Variants in AQP7B observed in about 807,000 individuals in gnomAD.
AQP7B encodes putative aquaporin-7B.
the AQP7B span, chr2:94,603,346 T>C: frequency 6.3e-7 from 1 of 1,575,242 alleles, no homozygotes; most frequent in East Asian, 2.2e-5. Flanking sequence ...GGGGCTTAGT[T>C]GGGGGCAGGT....
chr2:94,597,708 G>A, the AQP7B span, among the ~76,000 whole-genome samples: 8 of 150,726 alleles, frequency 5.3e-5, no homozygotes, highest in Non-Finnish European at 1.2e-4. Flanking sequence ...GGGTTCAAGC[G>A]ATTCTTGCAT....
At chr2:94,597,793 C>T in the AQP7B span, among the ~76,000 whole-genome samples, 3 of 152,092 alleles carry the variant, frequency 2.0e-5, no homozygotes, top group East Asian at 5.8e-4. Flanking sequence ...TTAGGAAATA[C>T]AAGGTTTCAC....
At chr2:94,589,626 G>C in the AQP7B span, among the ~76,000 whole-genome samples, 1 of 152,110 alleles carries the variant, frequency 6.6e-6, no homozygotes, top group South Asian at 2.1e-4. Context: ...TTTGCCTGTT[G>C]TATACTTGGA....
the AQP7B span, among the ~76,000 whole-genome samples, chr2:94,600,581 G>GA: frequency 1.3e-5 from 2 of 151,934 alleles, no homozygotes; most frequent in Non-Finnish European, 1.5e-5. Flanking sequence ...AAAATAAATT[G>GA]AAAAAATTAG....
the AQP7B span, among the ~76,000 whole-genome samples, chr2:94,592,007 T>A: frequency 6.4e-3 from 974 of 152,314 alleles, 6 homozygotes; most frequent in Middle Eastern, 0.01. Flanking sequence ...ATTCTAGGCA[T>A]AGTGGATTCA....
At chr2:94,590,641 T>A in the AQP7B span, among the ~76,000 whole-genome samples, 1 of 152,020 alleles carries the variant, frequency 6.6e-6, no homozygotes, top group Non-Finnish European at 1.5e-5. Flanking sequence ...TTTGATAGGT[T>A]AGTCAAAGGG....
chr2:94,587,992 A>G, the AQP7B span, among the ~76,000 whole-genome samples: 1 of 152,038 alleles, frequency 6.6e-6, no homozygotes, highest in Non-Finnish European at 1.5e-5. Context: ...ATAGGAGTAC[A>G]AAGGGGAATT....
chr2:94,599,250 G>T, the AQP7B span, among the ~76,000 whole-genome samples: 1 of 151,768 alleles, frequency 6.6e-6, no homozygotes, highest in African/African-American at 2.4e-5. Flanking sequence ...CACTCCCCCC[G>T]GCACCCCCAT....
At chr2:94,603,423 C>A in the AQP7B span, 30 of 1,609,514 alleles carry the variant, frequency 1.9e-5, 2 homozygotes, top group East Asian at 5.8e-4. Context: ...TGATGGTGAC[C>A]GGTCCCTTTG....
At chr2:94,599,887 T>C in the AQP7B span, among the ~76,000 whole-genome samples, 1 of 150,204 alleles carries the variant, frequency 6.7e-6, no homozygotes, top group Non-Finnish European at 1.5e-5. Context: ...CTTTTTTTTT[T>C]CTTTTTTTTG....
At chr2:94,594,811 G>A in the AQP7B span, 10 of 1,566,904 alleles carry the variant, frequency 6.4e-6, no homozygotes, top group South Asian at 2.2e-5. Context: ...ATGGTGCGAG[G>A]AAGATGAGAG....
At chr2:94,593,848 CG>C in the AQP7B span, among the ~76,000 whole-genome samples, 2 of 152,096 alleles carry the variant, frequency 1.3e-5, no homozygotes, top group African/African-American at 4.8e-5. Flanking sequence ...CAGTCCTATA[CG>C]TCTCCCTATA....
the AQP7B span, chr2:94,594,800 T>C: frequency 1.3e-6 from 2 of 1,573,108 alleles, no homozygotes; most frequent in African/African-American, 2.7e-5. Flanking sequence ...ATCCAGGAAA[T>C]ATGGTGCGAG....
At chr2:94,599,752 C>T in the AQP7B span, among the ~76,000 whole-genome samples, 5 of 152,164 alleles carry the variant, frequency 3.3e-5, no homozygotes, top group African/African-American at 1.2e-4. Context: ...GAAAACAACA[C>T]AAAATGAAAC....
the AQP7B span, chr2:94,594,671 G>C: frequency 9.9e-7 from 1 of 1,012,260 alleles, no homozygotes; most frequent in Non-Finnish European, 1.5e-6. Flanking sequence ...ACTCAGCTGT[G>C]AGTTGAAGAG....
At chr2:94,600,010 C>T in the AQP7B span, among the ~76,000 whole-genome samples, 1 of 151,994 alleles carries the variant, frequency 6.6e-6, no homozygotes, top group South Asian at 2.1e-4. Flanking sequence ...TCCTGAGTAG[C>T]TGGGATTACA....
the AQP7B span, among the ~76,000 whole-genome samples, chr2:94,589,023 C>G: frequency 6.7e-6 from 1 of 148,306 alleles, no homozygotes; most frequent in Non-Finnish European, 1.5e-5. Flanking sequence ...AGTTCTGTCA[C>G]CCAGGCTGGA....
At chr2:94,602,664 A>G in the AQP7B span, 46 of 1,540,654 alleles carry the variant, frequency 3.0e-5, no homozygotes, top group Admixed American at 7.6e-4. Context: ...GGTGTCCCCA[A>G]CAGGCTCTTT....
chr2:94,593,459 A>G, the AQP7B span, among the ~76,000 whole-genome samples: 298 of 145,118 alleles, frequency 2.1e-3, 1 homozygote, highest in African/African-American at 7.1e-3. Flanking sequence ...ACTTAGAGGT[A>G]TCTGTATCCC....
Sources: gnomAD v4.1 joint callset for allele counts (sites outside exome capture counted in the v4.1 genomes callset) on GRCh38, gnomAD v4.1.1 for gene constraint, MANE v1.5 for transcripts, NCBI Gene and HGNC (gene_info 2026-07-23, HGNC 2026-07-21) for gene names.